TENM4: variants seen among roughly 807,000 people sequenced by gnomAD.
TENM4 encodes the protein teneurin-4.
A neutral mutation model predicts 243.3 loss-of-function variants in TENM4; 82 were observed. The ratio of observed to expected loss-of-function variants is 0.34; its 90% CI spans 0.28 to 0.40. The LOEUF is 0.40. TENM4 is among the 10% of genes least tolerant of loss of function. The probability of loss-of-function intolerance (pLI) is 1.00; values close to 1 mark genes in which losing one functional copy is unlikely to be tolerated. For missense variants in TENM4, 3,138 were observed against 3,673.3 expected (o/e 0.85, Z 3.77); for synonymous variants, 1,412 against 1,456.3 (o/e 0.97, Z 0.69).
intron 17 of TENM4, among the ~76,000 whole-genome samples, chr11:78,776,731 A>G (rs1565374134): frequency 6.6e-6 from 1 of 152,200 alleles, no homozygotes; most frequent in African/African-American, 2.4e-5. Flanking sequence ...TGATTCATTG[A>G]CCTAATCCAA....
chr11:78,773,074 A>C (rs902939766), intron 17 of TENM4, among the ~76,000 whole-genome samples: 2 of 152,172 alleles, frequency 1.3e-5, no homozygotes, highest in Non-Finnish European at 2.9e-5. Flanking sequence ...TTTTTTCCTC[A>C]ATTAGTCTCA....
chr11:79,122,122 G>A (rs1197066839), intron 4 of TENM4, among the ~76,000 whole-genome samples: 2 of 152,162 alleles, frequency 1.3e-5, no homozygotes, highest in Non-Finnish European at 2.9e-5. Flanking sequence ...GCTTAAAAAT[G>A]TGTCTCCTTT....
chr11:78,704,159 CTATATATATATATATATATA>C lies in TENM4; in HGVS notation c.4210-1776_4210-1757del, dbSNP rs56026926. 1.9e-3 allele frequency among the ~76,000 whole-genome samples: 205 copies of C among 106,016 alleles called. 2 individuals carry two copies. The highest frequency in any genetic ancestry group is 0.019 in the Middle Eastern group (4 of 208). 69.6% of individuals were successfully genotyped at this position (106,016 alleles called of 152,430 possible). A position where few individuals can be genotyped will look rare whatever the true frequency, so the allele number is the denominator to read the frequency against. On this transcript the variant is annotated intron_variant, in intron 27 of 33. Coordinates refer to ENST00000278550, the MANE Select transcript of TENM4 (RefSeq NM_001098816.3). ...TATGTCTATGTGTATGTATGTGTGT[CTATATATATATATATATATA>C]TATATATATATATATTTGTAGAGAC...
intron 4 of TENM4, among the ~76,000 whole-genome samples, chr11:79,137,194 G>T (rs1417768628): frequency 6.6e-6 from 1 of 152,140 alleles, no homozygotes; most frequent in Non-Finnish European, 1.5e-5. Context: ...CATTAAAGTG[G>T]AAGTTAAGAT....
At chr11:79,110,029 G>A (rs116108321) in intron 4 of TENM4, among the ~76,000 whole-genome samples, 2,054 of 152,254 alleles carry the variant, frequency 0.013, 46 homozygotes, top group African/African-American at 0.046. Flanking sequence ...GACAATTCCT[G>A]CTGGCACATT....
intron 1 of TENM4, among the ~76,000 whole-genome samples, chr11:79,305,999 C>A (rs150218999): frequency 6.6e-6 from 1 of 152,234 alleles, no homozygotes; most frequent in Non-Finnish European, 1.5e-5. Flanking sequence ...CCAAGCTGTT[C>A]CTCTCTGACT....
chr11:79,270,007 A>G (rs1188213338), intron 2 of TENM4, among the ~76,000 whole-genome samples: 3 of 151,810 alleles, frequency 2.0e-5, no homozygotes, highest in Admixed American at 1.3e-4. Context: ...GTTCCTTTCC[A>G]GGGCCTCGCA....
In TENM4 at chr11:78,870,952, T is replaced by C. The variant is rs1274550548; in HGVS notation, c.1085-7820A>G. ...AGAAAGCTGTGTTTTCTGGGCACCT[T>C]TCCCCGGGTGGGCTCTACTAAGACC... On this transcript the variant is annotated intron_variant, in intron 9 of 33. Coordinates refer to ENST00000278550, the MANE Select transcript of TENM4 (RefSeq NM_001098816.3). 3.9e-5 allele frequency among the ~76,000 whole-genome samples: 6 copies of C among 152,198 alleles called. No individual in the cohort carries two copies. In the East Asian group the frequency reaches 9.6e-4, roughly 24 times the overall value.
intron 4 of TENM4, among the ~76,000 whole-genome samples, chr11:79,101,059 G>A (rs1162997630): frequency 6.6e-6 from 1 of 152,136 alleles, no homozygotes; most frequent in Non-Finnish European, 1.5e-5. Context: ...AAGAGAATAA[G>A]TGTAGGAGGG....
At chr11:78,672,913 G>A (rs1437722951) in intron 30 of TENM4, among the ~76,000 whole-genome samples, 1 of 151,950 alleles carries the variant, frequency 6.6e-6, no homozygotes, top group Non-Finnish European at 1.5e-5. Flanking sequence ...CCCAGCCCCT[G>A]TCGGGTGTCT....
chr11:79,337,489 T>C (rs1447571954), intron 1 of TENM4, among the ~76,000 whole-genome samples: 1 of 152,000 alleles, frequency 6.6e-6, no homozygotes, highest in Admixed American at 6.6e-5. Context: ...GGATTTGAAA[T>C]TGGAATTGAG....
chr11:78,748,384 C>T lies in TENM4; in HGVS notation c.2756+8421G>A, dbSNP rs1590990364. On this transcript the variant is annotated intron_variant, in intron 19 of 33. Transcript: ENST00000278550. ...GTCACACAGCTAGCAAACAGTGAGGCTGAGAGTCCAACCTCTGAGGTCAGT... is the reference window on the plus strand; with the variant it reads ...GTCACACAGCTAGCAAACAGTGAGGTTGAGAGTCCAACCTCTGAGGTCAGT... Among the ~76,000 whole-genome samples the T allele has an allele frequency of 2.6e-5, 4 of 152,194 alleles. No individual in the cohort carries two copies. The East Asian group carries it at 7.7e-4, about 29-fold the overall frequency.
rs140837268 is a variant in TENM4, at chr11:79,326,965, G to A, written c.-320-29422C>T. ...AAAAACTTGATCAGAAGCTCCTTACGGGCAGAGCCTCATCTCACTTATTTT... is the reference window on the plus strand; with the variant it reads ...AAAAACTTGATCAGAAGCTCCTTACAGGCAGAGCCTCATCTCACTTATTTT... On this transcript the variant is annotated intron_variant, in intron 1 of 33. Transcript: ENST00000278550. Among the ~76,000 whole-genome samples, 435 of 152,298 alleles carry A rather than the reference G, an allele frequency of 2.9e-3. 1 individual carries two copies. Among genetic ancestry groups the A allele is most frequent in the African/African-American group, 4.8e-3 (201 of 41,564 alleles).
chr11:78,783,517 C>T (rs1856877073), intron 16 of TENM4, among the ~76,000 whole-genome samples: 1 of 152,160 alleles, frequency 6.6e-6, no homozygotes, highest in Admixed American at 6.5e-5. Flanking sequence ...GGATGAACTT[C>T]TGTCACCCTT....
At chr11:79,258,061 T>C (rs978992149) in intron 2 of TENM4, among the ~76,000 whole-genome samples, 1 of 152,154 alleles carries the variant, frequency 6.6e-6, no homozygotes, top group Non-Finnish European at 1.5e-5. Flanking sequence ...GAAAACTTGG[T>C]GTTATCCCCC....
At chr11:79,303,458 C>T (rs900495760) in intron 1 of TENM4, among the ~76,000 whole-genome samples, 6 of 152,210 alleles carry the variant, frequency 3.9e-5, no homozygotes, top group Admixed American at 3.3e-4. Flanking sequence ...GAATATTATT[C>T]TAATTGCTAG....
chr11:79,304,729 T>C (rs774719593), intron 1 of TENM4, among the ~76,000 whole-genome samples: 3 of 152,182 alleles, frequency 2.0e-5, no homozygotes, highest in African/African-American at 7.2e-5. Flanking sequence ...GAAATCCTAA[T>C]GTATTAACTG....
intron 4 of TENM4, among the ~76,000 whole-genome samples, chr11:79,101,966 A>T (rs1259193957): frequency 6.6e-6 from 1 of 152,206 alleles, no homozygotes; most frequent in South Asian, 2.1e-4. Context: ...ACCAGGCTCC[A>T]GGGCCAGATC....
intron 6 of TENM4, among the ~76,000 whole-genome samples, chr11:78,964,355 T>C (rs1857397010): frequency 6.6e-6 from 1 of 152,136 alleles, no homozygotes; most frequent in Admixed American, 6.5e-5. Flanking sequence ...GTTCCATGAC[T>C]CTTAAGGTTA....
Sources: allele counts gnomAD v4.1 joint callset (sites outside exome capture counted in the v4.1 genomes callset), GRCh38; gene constraint gnomAD v4.1.1; transcripts MANE v1.5; gene names NCBI Gene and HGNC (gene_info 2026-07-23, HGNC 2026-07-21).